Variants in TNFSF4 observed in about 807,000 individuals in gnomAD.
TNFSF4 encodes tumor necrosis factor ligand superfamily member 4.
A neutral mutation model predicts 7.3 loss-of-function variants in TNFSF4; 4 were observed. The ratio of observed to expected loss-of-function variants is 0.55; its 90% confidence interval spans 0.27 to 1.25. TNFSF4 has a LOEUF of 1.25. TNFSF4 is among the 50% of genes most tolerant of loss of function. The pLI is 0.12. For synonymous variants in TNFSF4, 76 were observed against 83.7 expected (o/e 0.91, Z 0.50); for missense variants, 181 against 208.8 (o/e 0.87, Z 0.82).
At chr1:173,251,859 T>C in the TNFSF4 span, among the ~76,000 whole-genome samples, 1 of 152,204 alleles carries the variant, frequency 6.6e-6, no homozygotes, top group African/African-American at 2.4e-5. Context: ...CCTGTGTCAA[T>C]TGCCATTATA....
chr1:173,390,455 T>C, the TNFSF4 span, among the ~76,000 whole-genome samples: 2 of 152,192 alleles, frequency 1.3e-5, no homozygotes, highest in African/African-American at 2.4e-5. Flanking sequence ...AATTCAACTA[T>C]GCATTGAAAA....
At chr1:173,229,590 C>T in the TNFSF4 span, among the ~76,000 whole-genome samples, 1 of 152,216 alleles carries the variant, frequency 6.6e-6, no homozygotes, top group African/African-American at 2.4e-5. Context: ...CAATATTAAC[C>T]TTAAATGTAA....
the TNFSF4 span, among the ~76,000 whole-genome samples, chr1:173,373,168 C>T: frequency 3.3e-5 from 5 of 151,728 alleles, no homozygotes; most frequent in Admixed American, 6.6e-5. Context: ...TCTGGGGGAA[C>T]CCCCAATAAA....
chr1:173,436,217 T>C, the TNFSF4 span, among the ~76,000 whole-genome samples: 2 of 152,108 alleles, frequency 1.3e-5, no homozygotes, highest in Admixed American at 6.6e-5. Flanking sequence ...GGGATGGATA[T>C]GGGTAAGAAG....
At chr1:173,321,741 A>G in the TNFSF4 span, among the ~76,000 whole-genome samples, 1 of 152,194 alleles carries the variant, frequency 6.6e-6, no homozygotes, top group Admixed American at 6.5e-5. Flanking sequence ...GTCATTAGAG[A>G]AATGCAAATC....
chr1:173,433,879 T>C, the TNFSF4 span, among the ~76,000 whole-genome samples: 16 of 152,172 alleles, frequency 1.1e-4, no homozygotes, highest in African/African-American at 3.1e-4. Flanking sequence ...TCAGTTAAGA[T>C]GAGATCATAT....
chr1:173,381,718 C>T, the TNFSF4 span, among the ~76,000 whole-genome samples: 3 of 152,196 alleles, frequency 2.0e-5, no homozygotes, highest in Non-Finnish European at 4.4e-5. Context: ...TGCCCAATTC[C>T]CAACAGCAGC....
chr1:173,342,817 G>T, the TNFSF4 span, among the ~76,000 whole-genome samples: 1 of 152,236 alleles, frequency 6.6e-6, no homozygotes. Context: ...CTTGGCCAAA[G>T]AGAAAAGCCC....
chr1:173,314,366 T>A, the TNFSF4 span, among the ~76,000 whole-genome samples: 2 of 152,108 alleles, frequency 1.3e-5, no homozygotes, highest in Non-Finnish European at 2.9e-5. Flanking sequence ...AGCTCTTAAT[T>A]TTGATTCATT....
chr1:173,344,343 A>G, the TNFSF4 span, among the ~76,000 whole-genome samples: 4 of 152,204 alleles, frequency 2.6e-5, no homozygotes, highest in Non-Finnish European at 5.9e-5. Context: ...AAGAATCTTC[A>G]ATTCCAACTC....
chr1:173,310,054 T>A, the TNFSF4 span, among the ~76,000 whole-genome samples: 1 of 151,918 alleles, frequency 6.6e-6, no homozygotes, highest in Non-Finnish European at 1.5e-5. Flanking sequence ...GAAATTTGTG[T>A]TATCCCTCTT....
At chr1:173,362,069 C>T in the TNFSF4 span, among the ~76,000 whole-genome samples, 1 of 152,132 alleles carries the variant, frequency 6.6e-6, no homozygotes, top group African/African-American at 2.4e-5. Flanking sequence ...AATCAGTCTT[C>T]TTGGGCTTAA....
At chr1:173,219,509 T>C in the TNFSF4 span, among the ~76,000 whole-genome samples, 1 of 152,264 alleles carries the variant, frequency 6.6e-6, no homozygotes, top group Non-Finnish European at 1.5e-5. Flanking sequence ...TACCATTTGA[T>C]CCAACAATCT....
the TNFSF4 span, among the ~76,000 whole-genome samples, chr1:173,214,004 C>T: frequency 6.6e-6 from 1 of 152,120 alleles, no homozygotes; most frequent in Non-Finnish European, 1.5e-5. Context: ...CCGCCATCAA[C>T]AACAAAGGAC....
chr1:173,306,389 C>T, the TNFSF4 span, among the ~76,000 whole-genome samples: 1 of 151,926 alleles, frequency 6.6e-6, no homozygotes, highest in African/African-American at 2.4e-5. Context: ...TCCACCTTCT[C>T]CTTCACTCCC....
the TNFSF4 span, among the ~76,000 whole-genome samples, chr1:173,318,209 G>A: frequency 1.3e-5 from 2 of 151,788 alleles, no homozygotes; most frequent in Non-Finnish European, 1.5e-5. Flanking sequence ...GGGAGGCCAA[G>A]GGGGGTGGAT....
At chr1:173,326,247 C>G in the TNFSF4 span, among the ~76,000 whole-genome samples, 3 of 152,278 alleles carry the variant, frequency 2.0e-5, no homozygotes, top group Admixed American at 1.3e-4. Flanking sequence ...AGCATATAAA[C>G]AGAACCAAAG....
At chr1:173,232,445 T>C in the TNFSF4 span, among the ~76,000 whole-genome samples, 4 of 152,150 alleles carry the variant, frequency 2.6e-5, no homozygotes, top group Non-Finnish European at 5.9e-5. Context: ...CTTTTCCTAA[T>C]TGAATACCCT....
the TNFSF4 span, among the ~76,000 whole-genome samples, chr1:173,434,174 T>C: frequency 6.6e-6 from 1 of 152,222 alleles, no homozygotes; most frequent in Non-Finnish European, 1.5e-5. Context: ...CTGCTCAGTT[T>C]GTGGTATTTT....
Sources: gnomAD v4.1 joint callset for allele counts (sites outside exome capture counted in the v4.1 genomes callset) on GRCh38, gnomAD v4.1.1 for gene constraint, MANE v1.5 for transcripts, NCBI Gene and HGNC (gene_info 2026-07-23, HGNC 2026-07-21) for gene names.